Variants in ENAH observed in about 807,000 individuals in gnomAD.
ENAH encodes the protein ENAH actin regulator, also known as protein enabled homolog.
ENAH carries 23 observed loss-of-function variants against 78.7 expected under a neutral mutation model. The ratio of observed to expected loss-of-function variants is 0.29; its 90% CI spans 0.21 to 0.41. The LOEUF is 0.41. Among genes scored for constraint, ENAH ranks in the 10% least tolerant of loss-of-function variants. The pLI is 1.00. For synonymous variants in ENAH, 226 were observed against 241.0 expected, an observed-to-expected ratio of 0.94 and a Z score of 0.58; for missense variants, 544 against 691.0, an observed-to-expected ratio of 0.79 and a Z score of 2.39.
rs192355920 is a variant in ENAH at position 225,536,988 on chromosome 1, C to A, written c.350-6350G>T. Among the ~76,000 whole-genome samples the A allele has an allele frequency of 7.1e-4, 108 of 152,094 alleles. 2 individuals are homozygous for A. The South Asian group carries it at 0.02, about 28-fold the overall frequency. ...GGAGATAAACAATTTAGAATATTTTCAATAATTATAAGTTTAAACTGTTTT... is the reference window on the plus strand; with the variant it reads ...GGAGATAAACAATTTAGAATATTTTAAATAATTATAAGTTTAAACTGTTTT... On this transcript the variant is annotated intron_variant, in intron 3 of 13. Coordinates refer to ENST00000366843, the MANE Select transcript of ENAH (RefSeq NM_018212.6).
intron 11 of ENAH, among the ~76,000 whole-genome samples, chr1:225,504,712 A>G (rs1253428457): frequency 2.0e-5 from 3 of 152,240 alleles, no homozygotes; most frequent in East Asian, 1.9e-4. Flanking sequence ...TCTTATAATC[A>G]TAAGGCGAAC....
At chr1:225,522,445 TGTTTGAG>T (rs1310214574) in intron 4 of ENAH, among the ~76,000 whole-genome samples, 1 of 152,182 alleles carries the variant, frequency 6.6e-6, no homozygotes, top group Non-Finnish European at 1.5e-5. Context: ...TATGAGTAGT[TGTTTGAG>T]ATACTGACTA....
At chr1:225,597,975 T>C (rs2096910816) in intron 1 of ENAH, among the ~76,000 whole-genome samples, 1 of 151,996 alleles carries the variant, frequency 6.6e-6, no homozygotes, top group Non-Finnish European at 1.5e-5. Flanking sequence ...TCTTTTCCAG[T>C]TCTATGCTTC....
intron 5 of ENAH, among the ~76,000 whole-genome samples, chr1:225,518,452 G>A (rs2096439589): frequency 6.6e-6 from 1 of 152,048 alleles, no homozygotes; most frequent in Non-Finnish European, 1.5e-5. Flanking sequence ...GCTAACTTGT[G>A]GAAAAGTTTT....
At chr1:225,540,512 G>GA (rs1326796079) in intron 3 of ENAH, among the ~76,000 whole-genome samples, 3 of 151,946 alleles carry the variant, frequency 2.0e-5, no homozygotes, top group African/African-American at 4.8e-5. Flanking sequence ...TAGGGGTGGG[G>GA]AAAAAATGAA....
chr1:225,540,833 C>T (rs1005118334), intron 3 of ENAH, among the ~76,000 whole-genome samples: 2 of 151,962 alleles, frequency 1.3e-5, no homozygotes. Context: ...GAGCCAGTAA[C>T]TAAAACTAAG....
intron 1 of ENAH, among the ~76,000 whole-genome samples, chr1:225,582,430 T>C (rs987771134): frequency 1.3e-5 from 2 of 151,970 alleles, no homozygotes; most frequent in Non-Finnish European, 2.9e-5. Flanking sequence ...AAAGGAATAA[T>C]ACGGGGAGAG....
At position 225,493,378 on chromosome 1, in the gene ENAH, T is replaced by C. The variant is rs952451214; in HGVS notation, c.*4397A>G. The C allele has an allele frequency of 7.9e-5, 12 of 152,208 alleles. No homozygotes were observed. Among genetic ancestry groups the C allele is most frequent in the Admixed American group, 6.5e-5 (1 of 15,278 alleles). The allele number at this position is 152,208 out of a possible 1,614,324, so 9.4% of individuals were successfully genotyped here. ...AATTGTCCTCTACTATGTCTTTACA[T>C]AGCCAAAGCTACCTACATCAATTTC... On this transcript the variant is annotated 3_prime_UTR_variant, in exon 14 of 14. Coordinates refer to ENST00000366843, the MANE Select transcript of ENAH (RefSeq NM_018212.6).
At chr1:225,639,704 A>AC (rs1239632787) in intron 1 of ENAH, among the ~76,000 whole-genome samples, 4 of 126,194 alleles carry the variant, frequency 3.2e-5, no homozygotes, top group African/African-American at 1.4e-4. Flanking sequence ...TGGCGGGATT[A>AC]AACACACACA....
intron 2 of ENAH, among the ~76,000 whole-genome samples, chr1:225,561,101 G>A (rs1170748272): frequency 6.6e-6 from 1 of 151,878 alleles, no homozygotes; most frequent in African/African-American, 2.4e-5. Context: ...GGGCTTGGTG[G>A]TGCGTGCCTG....
Position 225,653,063 on chromosome 1 carries a change from C to A in ENAH, c.-373G>T. Reference sequence around the variant, plus strand: ...GGCCGCCGCTCCACAGGCCCGCGCTCGCCGCGCCGCCGCCGAGGCCGTGTG... The same window carrying A: ...GGCCGCCGCTCCACAGGCCCGCGCTAGCCGCGCCGCCGCCGAGGCCGTGTG... On this transcript the variant is annotated 5_prime_UTR_variant, in exon 1 of 14. Transcript: ENST00000366843. This position sits in a 1 kb window ranked among gnomAD's most constrained non-coding sequence, Gnocchi z 4.3. 1 of 158,472 alleles carries A rather than the reference C, an allele frequency of 6.3e-6. No homozygotes were observed. Among genetic ancestry groups the A allele is most frequent in the South Asian group, 1.8e-4 (1 of 5,606 alleles). The allele number at this position is 158,472 out of a possible 1,614,324, so 9.8% of individuals were successfully genotyped here.
At chr1:225,580,543 C>T (rs766604914) in intron 1 of ENAH, among the ~76,000 whole-genome samples, 16 of 152,116 alleles carry the variant, frequency 1.1e-4, no homozygotes, top group Non-Finnish European at 2.1e-4. Flanking sequence ...TTTTAAGCCA[C>T]TAAAACTTTG....
At chr1:225,529,642 G>A (rs1392677877) in intron 4 of ENAH, among the ~76,000 whole-genome samples, 1 of 151,800 alleles carries the variant, frequency 6.6e-6, no homozygotes, top group African/African-American at 2.4e-5. Flanking sequence ...TAAGTACTTA[G>A]AACAAAAAAT....
At chr1:225,597,136 A>G (rs2096905573) in intron 1 of ENAH, among the ~76,000 whole-genome samples, 1 of 152,220 alleles carries the variant, frequency 6.6e-6, no homozygotes, top group South Asian at 2.1e-4. Flanking sequence ...ATAGCCTATT[A>G]TTTATGTTTC....
chr1:225,642,485 G>C (rs1166219813), intron 1 of ENAH, among the ~76,000 whole-genome samples: 1 of 152,124 alleles, frequency 6.6e-6, no homozygotes, highest in African/African-American at 2.4e-5. Context: ...GAACCTAAGT[G>C]AAGGAAAACA....
chr1:225,618,720 CTT>C (rs1656261931), intron 1 of ENAH, among the ~76,000 whole-genome samples: 1 of 152,170 alleles, frequency 6.6e-6, no homozygotes, highest in South Asian at 2.1e-4. Flanking sequence ...ACTTAAAACA[CTT>C]AAATGAGAAC....
chr1:225,631,410 A>T (rs187474190), intron 1 of ENAH, among the ~76,000 whole-genome samples: 6,415 of 141,042 alleles, frequency 0.045, 202 homozygotes, highest in South Asian at 0.11. Context: ...TCTCTACTAT[A>T]AAAAAAAAAA....
chr1:225,503,208 T>A (rs2096294722), intron 11 of ENAH, among the ~76,000 whole-genome samples: 1 of 152,202 alleles, frequency 6.6e-6, no homozygotes, highest in African/African-American at 2.4e-5. Flanking sequence ...TCTTAACTTT[T>A]ACCAAAAAAG....
At chr1:225,512,558 A>T in intron 9 of ENAH, 99 bp downstream of exon 9, 1 of 1,241,406 alleles carries the variant, frequency 8.1e-7, no homozygotes, top group Non-Finnish European at 1.1e-6. Flanking sequence ...AGTTCAAACT[A>T]ATTAAGCCCA....
Sources: allele counts gnomAD v4.1 joint callset (sites outside exome capture counted in the v4.1 genomes callset), GRCh38; gene constraint gnomAD v4.1.1; non-coding constraint Gnocchi (gnomAD v3.1); transcripts MANE v1.5; gene names NCBI Gene and HGNC (gene_info 2026-07-23, HGNC 2026-07-21).